The following FHIT variants were observed in gnomAD, a reference collection of about 807,000 sequenced individuals.
FHIT encodes bis(5'-adenosyl)-triphosphatase.
FHIT carries 19 observed loss-of-function variants against 17.9 expected under a neutral mutation model. The ratio of observed to expected loss-of-function variants is 1.06; its 90% CI spans 0.74 to 1.56. The LOEUF (loss-of-function observed/expected upper bound fraction) is 1.56, where lower values mean the gene tolerates loss of function less well. Ranked by LOEUF, FHIT falls within the 40% of genes most tolerant of loss-of-function variation. FHIT has a pLI of 0.00. For synonymous variants in FHIT, 81 were observed against 69.7 expected (o/e 1.16, Z -0.81); for missense variants, 248 against 189.2 (o/e 1.31, Z -1.82).
At chr3:61,201,054 T>C (rs1376516892) in intron 1 of FHIT, among the ~76,000 whole-genome samples, 1 of 152,242 alleles carries the variant, frequency 6.6e-6, no homozygotes, top group Non-Finnish European at 1.5e-5. Context: ...GCATGCTCTA[T>C]TTCCATTTCT....
rs554940310 is a variant in FHIT, at chr3:60,988,042, G to A, written c.-111+54005C>T. 3.3e-5 allele frequency among the ~76,000 whole-genome samples: 5 copies of A among 152,270 alleles called. No homozygotes were observed. In the East Asian group the frequency reaches 9.7e-4, roughly 29 times the overall value. ...GTATGATGTGCTTTGAAGACTGAAG[G>A]CTTCTTAGAGAGAGAGGGAATGTCA... On this transcript the variant is annotated intron_variant, in intron 3 of 9. Coordinates refer to ENST00000492590, the MANE Select transcript of FHIT (RefSeq NM_002012.4).
chr3:60,399,444 G>C (rs753695999), intron 5 of FHIT, among the ~76,000 whole-genome samples: 1 of 152,100 alleles, frequency 6.6e-6, no homozygotes, highest in Non-Finnish European at 1.5e-5. Flanking sequence ...TGACTGCCAT[G>C]GGAGGACTTG....
chr3:60,719,077 C>T (rs1228051529), intron 4 of FHIT, among the ~76,000 whole-genome samples: 1 of 152,088 alleles, frequency 6.6e-6, no homozygotes, highest in East Asian at 1.9e-4. Context: ...ACAGCCAGCC[C>T]CACTATATCA....
intron 1 of FHIT, among the ~76,000 whole-genome samples, chr3:61,240,198 G>C (rs1386021849): frequency 6.6e-6 from 1 of 152,132 alleles, no homozygotes; most frequent in East Asian, 1.9e-4. Context: ...TATCCACCAG[G>C]CTGGCAGAAC....
chr3:60,361,302 G>A (rs1161471263), intron 5 of FHIT, among the ~76,000 whole-genome samples: 2 of 152,166 alleles, frequency 1.3e-5, no homozygotes, highest in African/African-American at 4.8e-5. Context: ...GATCAGAGAT[G>A]GTGCTGTATT....
At chr3:60,091,167 C>T (rs1306560324) in intron 5 of FHIT, among the ~76,000 whole-genome samples, 2 of 152,080 alleles carry the variant, frequency 1.3e-5, no homozygotes, top group African/African-American at 2.4e-5. Flanking sequence ...ACTCAAAAAC[C>T]TTAAGAAGCA....
intron 2 of FHIT, among the ~76,000 whole-genome samples, chr3:61,050,026 C>T (rs760211739): frequency 6.6e-6 from 1 of 152,196 alleles, no homozygotes; most frequent in Non-Finnish European, 1.5e-5. Flanking sequence ...AATCATACTT[C>T]ACCTCTTCCC....
chr3:61,096,940 G>A lies in FHIT; in HGVS notation c.-163-54841C>T, dbSNP rs899846297. ...AGCCTGGCCAACATGGTGAAACCCC[G>A]TCTCTACTACAAAAATTACAGCCAG... is the stretch of plus-strand genomic sequence containing the variant. On this transcript the variant is annotated intron_variant, in intron 2 of 9. Transcript: ENST00000492590. Among the ~76,000 whole-genome samples, 14 of 151,960 alleles carry A rather than the reference G, an allele frequency of 9.2e-5. 1 individual carries two copies. The highest frequency in any genetic ancestry group is 7.9e-4 in the Admixed American group (12 of 15,250).
intron 7 of FHIT, among the ~76,000 whole-genome samples, chr3:59,932,678 T>TA (rs397841137): frequency 2.0e-5 from 3 of 152,084 alleles, no homozygotes; most frequent in Non-Finnish European, 2.9e-5. Context: ...CCTTTTTTTT[T>TA]AAATCCTACT....
Position 59,950,645 on chromosome 3 carries a change from C to T in FHIT, c.280-28231G>A, listed in dbSNP as rs139079605. 2.0e-5 allele frequency among the ~76,000 whole-genome samples: 3 copies of T among 152,300 alleles called. No individual in the cohort carries two copies. In the East Asian group the frequency reaches 5.8e-4, roughly 29 times the overall value. On this transcript the variant is annotated intron_variant, in intron 7 of 9. Coordinates refer to ENST00000492590, the MANE Select transcript of FHIT (RefSeq NM_002012.4). ...CTCCACCAGAATCAGGAGCAGTAAA[C>T]TCAATGGCTCTGTCTTACTTCCATG...
chr3:60,510,897 T>G (rs957688097), intron 5 of FHIT, among the ~76,000 whole-genome samples: 2 of 152,202 alleles, frequency 1.3e-5, no homozygotes, highest in Non-Finnish European at 2.9e-5. Flanking sequence ...CAATAGTACA[T>G]AATAGAATCA....
At chr3:61,075,303 G>A (rs1559962167) in intron 2 of FHIT, among the ~76,000 whole-genome samples, 1 of 152,034 alleles carries the variant, frequency 6.6e-6, no homozygotes, top group Non-Finnish European at 1.5e-5. Context: ...GGTGGTGGCA[G>A]GGGGGAGTAC....
intron 5 of FHIT, among the ~76,000 whole-genome samples, chr3:60,493,432 T>G (rs1163587187): frequency 6.6e-6 from 1 of 152,194 alleles, no homozygotes; most frequent in African/African-American, 2.4e-5. Flanking sequence ...GCTTACACTG[T>G]GAGGTTAAAG....
chr3:60,894,437 C>G (rs949343425), intron 3 of FHIT, among the ~76,000 whole-genome samples: 7 of 152,150 alleles, frequency 4.6e-5, no homozygotes, highest in African/African-American at 1.7e-4. Flanking sequence ...TTCTGTCACC[C>G]CTTGACCCCA....
chr3:60,518,502 G>T (rs1217744261), intron 5 of FHIT, among the ~76,000 whole-genome samples: 4 of 152,176 alleles, frequency 2.6e-5, no homozygotes, highest in Non-Finnish European at 5.9e-5. Context: ...GTACCCCCAT[G>T]CAGTGCTAGT....
At chr3:60,024,363 G>A (rs1179332160) in intron 5 of FHIT, among the ~76,000 whole-genome samples, 1 of 152,114 alleles carries the variant, frequency 6.6e-6, no homozygotes, top group African/African-American at 2.4e-5. Context: ...TAAATGTGAA[G>A]ATTTCGTAGT....
rs6805528 is a variant in FHIT, at chr3:59,918,135, C to T, written c.348+4211G>A. 4.1e-3 allele frequency among the ~76,000 whole-genome samples: 622 copies of T among 152,252 alleles called. 1 individual carries two copies. Among genetic ancestry groups the T allele is most frequent in the African/African-American group, 0.014 (579 of 41,540 alleles). On this transcript the variant is annotated intron_variant, in intron 8 of 9. Transcript: ENST00000492590. ...TGTGGCTATGAGTTAGTGAATTGAC[C>T]GTCTGAAGAGCAATATATAGTCTCC...
chr3:59,998,414 C>T (rs566135960), intron 7 of FHIT, among the ~76,000 whole-genome samples: 10 of 152,164 alleles, frequency 6.6e-5, no homozygotes, highest in African/African-American at 2.4e-4. Context: ...AGTAAGCCAC[C>T]AGAGAGGAAA....
At chr3:60,798,752 CTTTTT>C (rs35159710) in intron 4 of FHIT, among the ~76,000 whole-genome samples, 1,532 of 105,322 alleles carry the variant, frequency 0.015, 11 homozygotes, top group African/African-American at 0.048. Flanking sequence ...ACTGCAATAG[CTTTTT>C]TTTTTTTTTT....
Sources: allele counts gnomAD v4.1 joint callset (sites outside exome capture counted in the v4.1 genomes callset), GRCh38; gene constraint gnomAD v4.1.1; transcripts MANE v1.5; gene names NCBI Gene and HGNC (gene_info 2026-07-23, HGNC 2026-07-21).